Variants in AGPAT3 observed in about 807,000 individuals in gnomAD.
AGPAT3 encodes 1-acyl-sn-glycerol-3-phosphate acyltransferase gamma.
AGPAT3 carries 5 observed loss-of-function variants against 47.3 expected under a neutral mutation model. That is an observed-to-expected ratio of 0.11 (90% CI 0.06 to 0.22). AGPAT3 has a LOEUF of 0.22. AGPAT3 is among the 10% of genes least tolerant of loss of function. AGPAT3 has a pLI of 1.00. For missense variants in AGPAT3, 315 were observed against 493.0 expected (o/e 0.64, Z 3.42); for synonymous variants, 212 against 208.3 (o/e 1.02, Z -0.15).
At chr21:43,973,265 G>C (rs1310138423) in intron 7 of AGPAT3, among the ~76,000 whole-genome samples, 2 of 152,256 alleles carry the variant, frequency 1.3e-5, no homozygotes, top group African/African-American at 4.8e-5. Flanking sequence ...GAGCCACTGT[G>C]GACCATGGAG....
intron 1 of AGPAT3, among the ~76,000 whole-genome samples, chr21:43,888,816 C>G (rs2086037762): frequency 6.6e-6 from 1 of 152,120 alleles, no homozygotes; most frequent in African/African-American, 2.4e-5. Flanking sequence ...TGGTGAAACC[C>G]CATCTCTACT....
In AGPAT3 at chr21:43,934,178, C is replaced by T. The variant is rs1020815688; in HGVS notation, c.-48-25456C>T. 6.6e-6 allele frequency among the ~76,000 whole-genome samples: 1 copy of T among 152,138 alleles called. No homozygotes were observed. The highest frequency in any genetic ancestry group is 1.5e-5 in the Non-Finnish European group (1 of 68,016). On this transcript the variant is annotated intron_variant, in intron 2 of 9. Transcript: ENST00000291572. The surrounding 1 kb of genome is among the most constrained non-coding windows in gnomAD (Gnocchi z 4.7). ...CGCCAGCTCCCCGAGCACCAGCTCC[C>T]CTGCCGAGCACCAGCTCCCATATGC...
intron 2 of AGPAT3, among the ~76,000 whole-genome samples, chr21:43,926,558 C>T (rs2087058675): frequency 6.6e-6 from 1 of 151,712 alleles, no homozygotes; most frequent in Non-Finnish European, 1.5e-5. Context: ...CGGCGCGTTC[C>T]TGGGTTTCCA....
rs2089839785 is a variant in AGPAT3 at position 43,981,260 on chromosome 21, G to T, written c.1042+73G>T. 1.3e-6 allele frequency: 2 copies of T among 1,518,852 alleles called. No individual in the cohort carries two copies. Among genetic ancestry groups the T allele is most frequent in the Non-Finnish European group, 1.8e-6 (2 of 1,098,416 alleles). The allele number at this position is 1,518,852 out of a possible 1,614,324, so 94.1% of individuals were successfully genotyped here. A position where few individuals can be genotyped will look rare whatever the true frequency, so the allele number is the denominator to read the frequency against. On this transcript the variant is annotated intron_variant, in intron 9 of 9. Coordinates refer to ENST00000291572, the MANE Select transcript of AGPAT3 (RefSeq NM_020132.5). This position sits in a 1 kb window ranked among gnomAD's most constrained non-coding sequence, Gnocchi z 5.3. The stretch of plus-strand genomic sequence containing the variant: ...TATCAGCCACAGGGTCCGGGACCTG[G>T]TGACTCATCACAGTGGCTGTGGGAG...
At chr21:43,935,069 G>C (rs542100416) in intron 2 of AGPAT3, among the ~76,000 whole-genome samples, 6 of 152,356 alleles carry the variant, frequency 3.9e-5, no homozygotes, top group East Asian at 1.9e-4. Flanking sequence ...GCCACACACA[G>C]AACCAGTGTG....
chr21:43,875,955 T>TC (rs1233170243), intron 1 of AGPAT3, among the ~76,000 whole-genome samples: 1 of 152,118 alleles, frequency 6.6e-6, no homozygotes, highest in Non-Finnish European at 1.5e-5. Context: ...TTTTCTTTTT[T>TC]CTTTTTTTTT....
intron 1 of AGPAT3, among the ~76,000 whole-genome samples, chr21:43,896,701 C>T (rs2086223711): frequency 6.6e-6 from 1 of 152,190 alleles, no homozygotes; most frequent in Non-Finnish European, 1.5e-5. Flanking sequence ...AATTTTATAT[C>T]TTCCTTATGA....
At chr21:43,977,885 C>CAAA (rs573227227) in intron 7 of AGPAT3, among the ~76,000 whole-genome samples, 161 bp from the exon 8 acceptor site, 92 of 117,410 alleles carry the variant, frequency 7.8e-4, no homozygotes, top group African/African-American at 2.6e-3. Flanking sequence ...GACTCCATCT[C>CAAA]AAAAAAAAAA....
intron 7 of AGPAT3, among the ~76,000 whole-genome samples, chr21:43,973,071 C>T (rs932822523): frequency 6.6e-5 from 10 of 152,350 alleles, no homozygotes; most frequent in East Asian, 1.9e-4. Context: ...CAGTTCTGGC[C>T]GTACTATAGG....
Position 43,908,769 on chromosome 21 carries a change from G to A in AGPAT3, c.-49+4750G>A, listed in dbSNP as rs966406215. ...GGATCAAAGCCCGTGCTGCGTCAGC[G>A]TGGTGGCCTGCCAGCTCCAGGCTGC... is the stretch of plus-strand genomic sequence containing the variant. On this transcript the variant is annotated intron_variant, in intron 2 of 9. Coordinates refer to ENST00000291572, the MANE Select transcript of AGPAT3 (RefSeq NM_020132.5). The surrounding 1 kb of genome is among the most constrained non-coding windows in gnomAD (Gnocchi z 4.9). Among the ~76,000 whole-genome samples the A allele has an allele frequency of 5.9e-5, 9 of 152,230 alleles. No individual in the cohort carries two copies. Among genetic ancestry groups the A allele is most frequent in the African/African-American group, 2.2e-4 (9 of 41,460 alleles).
chr21:43,948,453 A>G (rs2088016581), intron 2 of AGPAT3: 1 of 152,198 alleles, frequency 6.6e-6, no homozygotes, highest in Non-Finnish European at 1.5e-5. Context: ...CACTTGCTCA[A>G]AGAGGGGATG....
intron 3 of AGPAT3, 68 bp from the exon 4 acceptor site, chr21:43,967,878 G>T (rs2089206882): frequency 1.3e-6 from 2 of 1,526,010 alleles, no homozygotes; most frequent in Admixed American, 3.9e-5. Flanking sequence ...GGTGTCTCCT[G>T]TGGGCGCTCC....
At chr21:43,967,615 C>A (rs2089191894) in intron 3 of AGPAT3, 1 of 257,306 alleles carries the variant, frequency 3.9e-6, no homozygotes, top group Non-Finnish European at 7.5e-6. Context: ...CATTTTTCAT[C>A]TTCTGCACCT....
intron 1 of AGPAT3, among the ~76,000 whole-genome samples, chr21:43,892,358 G>T: frequency 6.6e-6 from 1 of 152,034 alleles, no homozygotes; most frequent in East Asian, 1.9e-4. Flanking sequence ...ATGGGCTGCA[G>T]AGTGGATGTC....
chr21:43,950,546 G>A (rs755773235), intron 2 of AGPAT3: 1 of 152,220 alleles, frequency 6.6e-6, no homozygotes, highest in Non-Finnish European at 1.5e-5. Context: ...CTCAGATAAT[G>A]TGGTAACTGT....
intron 1 of AGPAT3, among the ~76,000 whole-genome samples, chr21:43,894,987 GT>G (rs1203290960): frequency 6.6e-6 from 1 of 151,498 alleles, no homozygotes; most frequent in Non-Finnish European, 1.5e-5. Context: ...CTTTTTGTAT[GT>G]TTTCTATCTT....
intron 2 of AGPAT3, among the ~76,000 whole-genome samples, chr21:43,917,061 T>C (rs1377353170): frequency 6.6e-6 from 1 of 152,024 alleles, no homozygotes; most frequent in Non-Finnish European, 1.5e-5. Context: ...AGCTGTTTCC[T>C]CTCCCCACTC....
intron 2 of AGPAT3, among the ~76,000 whole-genome samples, chr21:43,924,027 T>G (rs942096842): frequency 2.0e-5 from 3 of 151,712 alleles, no homozygotes; most frequent in Admixed American, 1.3e-4. Flanking sequence ...TTTTTTTTGG[T>G]TTTTTTTGAG....
intron 2 of AGPAT3, among the ~76,000 whole-genome samples, chr21:43,931,953 G>A (rs1253056104): frequency 8.7e-6 from 1 of 115,472 alleles, no homozygotes; most frequent in Non-Finnish European, 2.0e-5. Flanking sequence ...GTGTGTGTGT[G>A]TGTGTGTGTG....
Sources: allele counts gnomAD v4.1 joint callset (sites outside exome capture counted in the v4.1 genomes callset), GRCh38; gene constraint gnomAD v4.1.1; non-coding constraint Gnocchi (gnomAD v3.1); transcripts MANE v1.5; gene names NCBI Gene and HGNC (gene_info 2026-07-23, HGNC 2026-07-21).